The following COX19 variants were observed in gnomAD, a reference collection of about 807,000 sequenced individuals.
The protein encoded by COX19 is cytochrome c oxidase assembly protein COX19.
COX19 carries 8 observed loss-of-function variants against 6.8 expected under a neutral mutation model. The ratio of observed to expected loss-of-function variants is 1.18; its 90% CI spans 0.69 to 2.12. The LOEUF (loss-of-function observed/expected upper bound fraction) is 2.12. Ranked by LOEUF, COX19 falls within the 30% of genes most tolerant of loss-of-function variation. The pLI, the probability that COX19 is intolerant of heterozygous loss-of-function variation, is 0.00. For missense variants in COX19, 131 were observed against 104.6 expected (o/e 1.25, Z -1.10); for synonymous variants, 51 against 38.0 (o/e 1.34, Z -1.26).
intron 2 of COX19, chr7:972,757 C>T (rs911083337): frequency 6.5e-6 from 1 of 152,834 alleles, no homozygotes; most frequent in African/African-American, 2.4e-5. Context: ...TCCTCCCTGT[C>T]ACATTCCCAA....
At chr7:973,120 A>G (rs1471878526) in intron 2 of COX19, 61 bp downstream of exon 2, 7 of 1,121,312 alleles carry the variant, frequency 6.2e-6, no homozygotes, top group African/African-American at 4.9e-5. Flanking sequence ...GCCTTTCAGG[A>G]AAAAAAAAGT....
intron 2 of COX19, 70 bp from the exon 3 acceptor site, chr7:969,526 G>T: frequency 1.0e-6 from 1 of 987,658 alleles, no homozygotes; most frequent in South Asian, 1.3e-5. Context: ...TGCAGGCCCC[G>T]GCTTCCCAGC....
chr7:969,281 G>A lies in COX19; in HGVS notation c.*97C>T, dbSNP rs895906226. ...CTTCTATTCGAAGCCCATTTCTAAGGACACCACACGCAGGCCTCAGCCAAC... is the reference window on the plus strand; with the variant it reads ...CTTCTATTCGAAGCCCATTTCTAAGAACACCACACGCAGGCCTCAGCCAAC... On this transcript the variant is annotated 3_prime_UTR_variant, in exon 3 of 3. Transcript: ENST00000344111. 123 of 782,374 alleles carry A rather than the reference G, an allele frequency of 1.6e-4. No individual in the cohort carries two copies. In the East Asian group the frequency reaches 2.9e-3, roughly 18 times the overall value. 48.5% of individuals were successfully genotyped at this position (782,374 alleles called of 1,614,324 possible).
At position 965,784 on chromosome 7, in the gene COX19, A is replaced by G; in HGVS notation, c.*3594T>C. Among the ~76,000 whole-genome samples, 1 of 152,148 alleles carries G rather than the reference A, an allele frequency of 6.6e-6. No homozygotes were observed. Among genetic ancestry groups the G allele is most frequent in the East Asian group, 1.9e-4 (1 of 5,190 alleles). On this transcript the variant is annotated 3_prime_UTR_variant, in exon 3 of 3. Coordinates refer to ENST00000344111, the MANE Select transcript of COX19 (RefSeq NM_001031617.3). The stretch of plus-strand genomic sequence containing the variant: ...CCTCCCGAATAGCTGGATTACAGAC[A>G]CACGCCACCAGCCCCAGCTAATTTT...
chr7:975,511 T>A lies in COX19; in HGVS notation c.-2A>T. ...CCCGAAATTCATGGCGGTCGACATG[T>A]TGGCGACTCCGGAGTCTGCGAGCGC... On this transcript the variant is annotated 5_prime_UTR_variant, in exon 1 of 3. Coordinates refer to ENST00000344111, the MANE Select transcript of COX19 (RefSeq NM_001031617.3). 3 of 1,602,282 alleles carry A rather than the reference T, an allele frequency of 1.9e-6. No homozygotes were observed. In the South Asian group the frequency reaches 3.4e-5, roughly 18 times the overall value.
At chr7:973,775 G>A (rs180951252) in intron 1 of COX19, among the ~76,000 whole-genome samples, 13 of 152,170 alleles carry the variant, frequency 8.5e-5, no homozygotes, top group African/African-American at 2.9e-4. Context: ...AGACCAGCTC[G>A]GCCAACTTGG....
At position 967,530 on chromosome 7, in the gene COX19, G is replaced by A. The variant is rs115997437; in HGVS notation, c.*1848C>T. On this transcript the variant is annotated 3_prime_UTR_variant, in exon 3 of 3. Coordinates refer to ENST00000344111, the MANE Select transcript of COX19 (RefSeq NM_001031617.3). ...CTCCTGATGGGTCAGAGTGCGGTGCGAGCGGAGAGGCAGGCCCGACCCGGG... is the reference window on the plus strand; with the variant it reads ...CTCCTGATGGGTCAGAGTGCGGTGCAAGCGGAGAGGCAGGCCCGACCCGGG... 1 of 152,366 alleles carries A rather than the reference G, an allele frequency of 6.6e-6. No homozygotes were observed. The highest frequency in any genetic ancestry group is 1.5e-5 in the Non-Finnish European group (1 of 68,064). 9.4% of individuals were successfully genotyped at this position (152,366 alleles called of 1,614,324 possible).
rs572861885 is a variant in COX19 at position 970,324 on chromosome 7, G to A, written c.195-868C>T. Among the ~76,000 whole-genome samples, 4 of 152,008 alleles carry A rather than the reference G, an allele frequency of 2.6e-5. No homozygotes were observed. In the South Asian group the frequency reaches 6.2e-4, roughly 24 times the overall value. The stretch of plus-strand genomic sequence containing the variant: ...TAATTCTTGTAGTTTTAGTAGAGAC[G>A]GTGTCTAACCATATGGGTCAGGCTG... On this transcript the variant is annotated intron_variant, in intron 2 of 2. Coordinates refer to ENST00000344111, the MANE Select transcript of COX19 (RefSeq NM_001031617.3).
At position 973,262 on chromosome 7, in the gene COX19, A is replaced by G; in HGVS notation, c.113T>C (p.Met38Thr). The change falls in exon 2 of 3, where the codon ATG (methionine) becomes ACG (threonine). Residue 38 changes from methionine to threonine, a missense_variant. By Grantham distance (81) the Met-to-Thr change is moderately conservative. Coordinates refer to ENST00000344111, the MANE Select transcript of COX19 (RefSeq NM_001031617.3). ...GECKSFKEKF[M>T]KCLHNNNFEN... ...AAAATTATTGTTATGAAGACACTTCATGAATTTCTCTTTAAAGCTTTTACA... is the reference window on the plus strand; with the variant it reads ...AAAATTATTGTTATGAAGACACTTCGTGAATTTCTCTTTAAAGCTTTTACA... 1 of 1,597,266 alleles carries G rather than the reference A, an allele frequency of 6.3e-7. No homozygotes were observed. The highest frequency in any genetic ancestry group is 8.5e-7 in the Non-Finnish European group (1 of 1,173,850).
At position 967,613 on chromosome 7, in the gene COX19, C is replaced by T. The variant is rs1430459773; in HGVS notation, c.*1765G>A. 2.0e-5 allele frequency: 3 copies of T among 152,364 alleles called. No individual in the cohort carries two copies. The highest frequency in any genetic ancestry group is 3.9e-4 in the East Asian group (2 of 5,182). 9.4% of individuals were successfully genotyped at this position (152,364 alleles called of 1,614,324 possible). A position where few individuals can be genotyped will look rare whatever the true frequency, so the allele number is the denominator to read the frequency against. Reference sequence around the variant, plus strand: ...ATGGGAAGAGGCCCCGGCCTGGGCCCGGGAGCTCCGTCGGCATGGTCTGTT... The same window carrying T: ...ATGGGAAGAGGCCCCGGCCTGGGCCTGGGAGCTCCGTCGGCATGGTCTGTT... On this transcript the variant is annotated 3_prime_UTR_variant, in exon 3 of 3. Coordinates refer to ENST00000344111, the MANE Select transcript of COX19 (RefSeq NM_001031617.3).
chr7:971,808 T>G (rs1365668520), intron 2 of COX19, among the ~76,000 whole-genome samples: 3 of 152,190 alleles, frequency 2.0e-5, no homozygotes, highest in Admixed American at 2.0e-4. Flanking sequence ...GAGGCGGAGC[T>G]TGCAGTGAGC....
At chr7:971,018 G>A (rs953508774) in intron 2 of COX19, among the ~76,000 whole-genome samples, 6 of 152,096 alleles carry the variant, frequency 3.9e-5, no homozygotes, top group Admixed American at 1.3e-4. Flanking sequence ...CATGCCCCCC[G>A]ATCCTGCTGC....
rs138874599 is a variant in COX19, at chr7:973,201, A to G, written c.174T>C (p.Tyr58=). ...CTCACCTCTCCATCCTGCATTCTAA[A>G]TATTCTTTTGATTCCTTTCTGCACA... ...NALCRKESKE[Y]LECRMERKLM... The change falls in exon 2 of 3, where the codon TAT becomes TAC. Residue 58 remains tyrosine, a synonymous_variant. Transcript: ENST00000344111. The G allele has an allele frequency of 2.6e-4, 422 of 1,600,412 alleles. 1 individual carries two copies. The highest frequency in any genetic ancestry group is 3.3e-4 in the Non-Finnish European group (389 of 1,174,110).
Position 969,110 on chromosome 7 carries a change from C to T in COX19, c.*268G>A, listed in dbSNP as rs761092683. 1.2e-3 allele frequency: 463 copies of T among 394,242 alleles called. 2 individuals are homozygous for T. The highest frequency in any genetic ancestry group is 1.7e-3 in the Non-Finnish European group (372 of 219,028). The allele number at this position is 394,242 out of a possible 1,614,324, so 24.4% of individuals were successfully genotyped here. A position where few individuals can be genotyped will look rare whatever the true frequency, so the allele number is the denominator to read the frequency against. Reference sequence around the variant, plus strand: ...GCCCCATACAAGAGGGCCCCGGCCTCGAAGACAAGGGTCTTGCCCCACGCT... The same window carrying T: ...GCCCCATACAAGAGGGCCCCGGCCTTGAAGACAAGGGTCTTGCCCCACGCT... On this transcript the variant is annotated 3_prime_UTR_variant, in exon 3 of 3. Coordinates refer to ENST00000344111, the MANE Select transcript of COX19 (RefSeq NM_001031617.3).
At chr7:972,931 GA>G in intron 2 of COX19, 1 of 257,828 alleles carries the variant, frequency 3.9e-6, no homozygotes, top group Non-Finnish European at 7.3e-6. Context: ...AATGTGGAAA[GA>G]AAATGCTCTC....
intron 2 of COX19, among the ~76,000 whole-genome samples, chr7:970,269 G>A (rs553073628): frequency 7.2e-5 from 11 of 151,914 alleles, no homozygotes; most frequent in African/African-American, 2.7e-4. Flanking sequence ...TGAGTAGCTG[G>A]GAGTACAGGT....
At chr7:971,396 A>G (rs547376103) in intron 2 of COX19, among the ~76,000 whole-genome samples, 3 of 152,232 alleles carry the variant, frequency 2.0e-5, no homozygotes, top group Non-Finnish European at 4.4e-5. Flanking sequence ...CACAGAAGGA[A>G]AAAGGAAGAA....
chr7:968,616 GAGAACTCCGCTC>G lies in COX19; in HGVS notation c.*750_*761del, dbSNP rs1847592100. The G allele has an allele frequency of 6.6e-6, 1 of 152,296 alleles. No individual in the cohort carries two copies. The highest frequency in any genetic ancestry group is 1.5e-5 in the Non-Finnish European group (1 of 68,066). 9.4% of individuals were successfully genotyped at this position (152,296 alleles called of 1,614,324 possible). A position where few individuals can be genotyped will look rare whatever the true frequency, so the allele number is the denominator to read the frequency against. On this transcript the variant is annotated 3_prime_UTR_variant, in exon 3 of 3. Transcript: ENST00000344111. ...CAGGCAACTTTGGCACAGACGGGCT[GAGAACTCCGCTC>G]AGGGCCCCTGCCAGGCTGTGCTGCG... is the stretch of plus-strand genomic sequence containing the variant.
chr7:973,069 C>G (rs1252630136), intron 2 of COX19, 112 bp downstream of exon 2: 3 of 581,650 alleles, frequency 5.2e-6, no homozygotes, highest in African/African-American at 3.9e-5. Flanking sequence ...TCCTGAAAAA[C>G]ACAAGCTGAA....
Sources: gnomAD v4.1 joint callset for allele counts (sites outside exome capture counted in the v4.1 genomes callset) on GRCh38, gnomAD v4.1.1 for gene constraint, MANE v1.5 for transcripts, NCBI Gene and HGNC (gene_info 2026-07-23, HGNC 2026-07-21) for gene names.